The following FNTB variants were observed in gnomAD, a reference collection of about 807,000 sequenced individuals.
FNTB encodes the protein protein farnesyltransferase subunit beta.
A neutral mutation model predicts 59.4 loss-of-function variants in FNTB; 27 were observed. The ratio of observed to expected loss-of-function variants is 0.45; its 90% CI spans 0.34 to 0.63. FNTB has a LOEUF of 0.63. Among genes scored for constraint, FNTB ranks in the 20% least tolerant of loss-of-function variants. The probability of loss-of-function intolerance (pLI) is 0.02; values close to 1 mark genes in which losing one functional copy is unlikely to be tolerated. For synonymous variants in FNTB, 230 were observed against 220.7 expected, an observed-to-expected ratio of 1.04 and a Z score of -0.37; for missense variants, 449 against 559.6, an observed-to-expected ratio of 0.80 and a Z score of 1.99.
rs1463026623 is a variant in FNTB, at chr14:65,061,393, C to T, written c.*81C>T. On this transcript the variant is annotated 3_prime_UTR_variant, in exon 12 of 12. Transcript: ENST00000246166. Reference sequence around the variant, plus strand: ...TATACGTTTCAATACATACTGCATTCTGTGCTACACAAGCCTTAGCCTCAG... The same window carrying T: ...TATACGTTTCAATACATACTGCATTTTGTGCTACACAAGCCTTAGCCTCAG... The T allele has an allele frequency of 1.3e-6, 2 of 1,575,056 alleles. No individual in the cohort carries two copies. Among genetic ancestry groups the T allele is most frequent in the Non-Finnish European group, 1.7e-6 (2 of 1,160,648 alleles).
Position 65,061,309 on chromosome 14 carries a change from C to T in FNTB, c.1311C>T (p.Asp437=), listed in dbSNP as rs757187703. 6.2e-7 allele frequency: 1 copy of T among 1,613,778 alleles called. No individual in the cohort carries two copies. Among genetic ancestry groups the T allele is most frequent in the South Asian group, 1.1e-5 (1 of 91,076 alleles). Residue 437 remains aspartate, a synonymous_variant, in exon 12 of 12, where the codon GAC becomes GAT. Transcript: ENST00000246166. The part of the protein sequence containing the change: ...KDETSAEPAT[D] The stretch of plus-strand genomic sequence containing the variant: ...AGACATCGGCAGAGCCTGCAACCGA[C>T]TAGAGGACCTGGGTCCCGGCAGCTC...
chr14:64,989,294 AG>A (rs1566858798), intron 1 of FNTB, among the ~76,000 whole-genome samples: 1 of 147,190 alleles, frequency 6.8e-6, no homozygotes, highest in Non-Finnish European at 1.5e-5. Flanking sequence ...AAAAAAAAAA[AG>A]TAGCTGAGCG....
chr14:65,057,259 T>C (rs2062756345), intron 11 of FNTB, among the ~76,000 whole-genome samples: 1 of 152,178 alleles, frequency 6.6e-6, no homozygotes, highest in Non-Finnish European at 1.5e-5. Context: ...TTTTGGTGTT[T>C]TTTTGTTAAA....
chr14:65,037,422 T>C (rs1566562303), intron 7 of FNTB, among the ~76,000 whole-genome samples: 16 of 109,600 alleles, frequency 1.5e-4, no homozygotes, highest in Admixed American at 1.9e-4. Flanking sequence ...TTTTTTTTTT[T>C]TTTTTTTTTT....
rs972375441 is a variant in FNTB, at chr14:65,001,618, C to T, written c.145-2631C>T. Reference sequence around the variant, plus strand: ...TTGAGCATCCACAGATTTTGATATCCTGGGAGATCCTGGAACCAATCCCGC... The same window carrying T: ...TTGAGCATCCACAGATTTTGATATCTTGGGAGATCCTGGAACCAATCCCGC... On this transcript the variant is annotated intron_variant, in intron 1 of 11. Coordinates refer to ENST00000246166, the MANE Select transcript of FNTB (RefSeq NM_002028.4). The surrounding 1 kb of genome is among the most constrained non-coding windows in gnomAD (Gnocchi z 5.5). Among the ~76,000 whole-genome samples the T allele has an allele frequency of 2.6e-5, 4 of 152,166 alleles. No homozygotes were observed. The East Asian group carries it at 7.7e-4, about 29-fold the overall frequency.
chr14:65,039,618 G>A (rs1010533985), intron 7 of FNTB, among the ~76,000 whole-genome samples: 1 of 152,010 alleles, frequency 6.6e-6, no homozygotes, highest in Non-Finnish European at 1.5e-5. Flanking sequence ...GGTAGGAAAG[G>A]TTTCTCTATT....
rs531887755 is a variant in FNTB at position 64,998,153 on chromosome 14, G to A, written c.145-6096G>A. 7.2e-5 allele frequency among the ~76,000 whole-genome samples: 11 copies of A among 152,320 alleles called. No homozygotes were observed. In the East Asian group the frequency reaches 2.1e-3, roughly 29 times the overall value. On this transcript the variant is annotated intron_variant, in intron 1 of 11. Coordinates refer to ENST00000246166, the MANE Select transcript of FNTB (RefSeq NM_002028.4). ...AAGTACGTTACTGTTTTTAAATTAT[G>A]AATGAAGAAAGTACTATTTGAGGTA...
intron 7 of FNTB, among the ~76,000 whole-genome samples, chr14:65,035,188 C>T (rs1021042583): frequency 7.2e-5 from 11 of 152,282 alleles, no homozygotes; most frequent in African/African-American, 1.2e-4. Flanking sequence ...GTTGGCTGCC[C>T]GCCCTGACCC....
chr14:65,038,140 G>T (rs1348892138), intron 7 of FNTB, among the ~76,000 whole-genome samples: 1 of 152,178 alleles, frequency 6.6e-6, no homozygotes, highest in Non-Finnish European at 1.5e-5. Context: ...GCTGGGCGTG[G>T]TGGCTCACGC....
rs556849979 is a variant in FNTB, at chr14:65,061,306, C to A, written c.1308C>A (p.Thr436=). Residue 436 remains threonine, a synonymous_variant, in exon 12 of 12, where the codon ACC becomes ACA. Coordinates refer to ENST00000246166, the MANE Select transcript of FNTB (RefSeq NM_002028.4). ...LKDETSAEPA[T]D Reference sequence around the variant, plus strand: ...ATGAGACATCGGCAGAGCCTGCAACCGACTAGAGGACCTGGGTCCCGGCAG... The same window carrying A: ...ATGAGACATCGGCAGAGCCTGCAACAGACTAGAGGACCTGGGTCCCGGCAG... 3.1e-6 allele frequency: 5 copies of A among 1,613,764 alleles called. No homozygotes were observed. The East Asian group carries it at 8.9e-5, about 29-fold the overall frequency.
At chr14:65,038,619 G>A (rs923095840) in intron 7 of FNTB, among the ~76,000 whole-genome samples, 1 of 152,140 alleles carries the variant, frequency 6.6e-6, no homozygotes, top group Non-Finnish European at 1.5e-5. Context: ...TCAGGAGGCT[G>A]AGGCAGGAGA....
At chr14:65,060,917 A>G (rs1044207907) in intron 11 of FNTB, among the ~76,000 whole-genome samples, 37 of 150,462 alleles carry the variant, frequency 2.5e-4, no homozygotes, top group Non-Finnish European at 8.8e-5. Context: ...AGTATTGTAC[A>G]TACTGTTTTC....
chr14:65,055,485 TC>T (rs902156155), intron 11 of FNTB, among the ~76,000 whole-genome samples: 15 of 152,152 alleles, frequency 9.9e-5, no homozygotes, highest in Admixed American at 5.9e-4. Context: ...ATTGTAACCT[TC>T]CTTTTTTGTT....
At chr14:65,037,406 T>C (rs1440116207) in intron 7 of FNTB, among the ~76,000 whole-genome samples, 993 of 19,202 alleles carry the variant, frequency 0.052, 1 homozygote, top group Non-Finnish European at 0.075. Flanking sequence ...CCGGGCCCTT[T>C]TTTTTTTTTT....
At chr14:65,040,156 T>G (rs921397691) in intron 7 of FNTB, among the ~76,000 whole-genome samples, 1 of 152,126 alleles carries the variant, frequency 6.6e-6, no homozygotes, top group Non-Finnish European at 1.5e-5. Flanking sequence ...GCAGTCAACC[T>G]AGGTAACAGA....
intron 2 of FNTB, chr14:65,006,051 T>G: frequency 7.4e-7 from 1 of 1,343,494 alleles, no homozygotes; most frequent in South Asian, 1.4e-5. Context: ...GTCTCTTGAC[T>G]TCTTGAGATC....
Position 65,032,532 on chromosome 14 carries a change from C to G in FNTB, c.606-78C>G. On this transcript the variant is annotated intron_variant, in intron 6 of 11. Coordinates refer to ENST00000246166, the MANE Select transcript of FNTB (RefSeq NM_002028.4). The surrounding 1 kb of genome is among the most constrained non-coding windows in gnomAD (Gnocchi z 5.0). The stretch of plus-strand genomic sequence containing the variant: ...ATTACAGCTTACTAGGCAAGGCGAG[C>G]AGTCCGCCCGCGGAGTTCACTGAGC... The G allele has an allele frequency of 6.6e-7, 1 of 1,516,976 alleles. No homozygotes were observed. The highest frequency in any genetic ancestry group is 8.9e-7 in the Non-Finnish European group (1 of 1,121,022). The allele number at this position is 1,516,976 out of a possible 1,614,324, so 94.0% of individuals were successfully genotyped here.
Position 65,009,581 on chromosome 14 carries a change from G to T in FNTB, c.210-2736G>T, listed in dbSNP as rs747943340. Among the ~76,000 whole-genome samples the T allele has an allele frequency of 4.0e-5, 6 of 151,894 alleles. No individual in the cohort carries two copies. Among genetic ancestry groups the T allele is most frequent in the African/African-American group, 7.3e-5 (3 of 41,324 alleles). Reference sequence around the variant, plus strand: ...AATGCAGCATCCTTCCTTATTCCAGGCTCACCTCTCCTACTATACCCTCAT... The same window carrying T: ...AATGCAGCATCCTTCCTTATTCCAGTCTCACCTCTCCTACTATACCCTCAT... On this transcript the variant is annotated intron_variant, in intron 2 of 11. Transcript: ENST00000246166. The surrounding 1 kb of genome is among the most constrained non-coding windows in gnomAD (Gnocchi z 4.2).
At chr14:65,051,407 TAGAG>T (rs2062606236) in intron 9 of FNTB, among the ~76,000 whole-genome samples, 1 of 152,192 alleles carries the variant, frequency 6.6e-6, no homozygotes, top group Non-Finnish European at 1.5e-5. Context: ...GGTCAGGAGT[TAGAG>T]AGCAGCCTGA....
Sources: gnomAD v4.1 joint callset for allele counts (sites outside exome capture counted in the v4.1 genomes callset) on GRCh38, gnomAD v4.1.1 for gene constraint, Gnocchi (gnomAD v3.1) non-coding constraint, MANE v1.5 for transcripts, NCBI Gene and HGNC (gene_info 2026-07-23, HGNC 2026-07-21) for gene names.